The following CPNE4 variants were observed in gnomAD, a reference collection of about 807,000 sequenced individuals.
CPNE4 encodes the protein copine-4.
CPNE4 carries 25 observed loss-of-function variants against 67.9 expected under a neutral mutation model. The observed-to-expected ratio is 0.37, with a 90% CI of 0.27 to 0.51. The LOEUF (loss-of-function observed/expected upper bound fraction) is 0.51. CPNE4 is among the 20% of genes least tolerant of loss of function. The pLI is 0.93. For synonymous variants in CPNE4, 242 were observed against 244.9 expected, an observed-to-expected ratio of 0.99 and a Z score of 0.11; for missense variants, 464 against 690.8, an observed-to-expected ratio of 0.67 and a Z score of 3.68.
intron 7 of CPNE4, among the ~76,000 whole-genome samples, chr3:131,662,433 A>G (rs867134630): frequency 1.3e-5 from 2 of 152,220 alleles, no homozygotes; most frequent in South Asian, 2.1e-4. Context: ...ACACATACAC[A>G]TATACATATA....
intron 1 of CPNE4, among the ~76,000 whole-genome samples, chr3:131,934,681 G>A (rs2071172600): frequency 6.6e-6 from 1 of 152,094 alleles, no homozygotes; most frequent in Admixed American, 6.6e-5. Context: ...TTCTGTTCCT[G>A]TGTTAGTTTG....
intron 2 of CPNE4, among the ~76,000 whole-genome samples, chr3:131,778,295 C>T (rs1027119418): frequency 2.6e-5 from 4 of 152,126 alleles, no homozygotes; most frequent in African/African-American, 9.7e-5. Flanking sequence ...ACTGCCCCTC[C>T]TCCTATCGTG....
chr3:131,759,444 T>C (rs555734515), intron 2 of CPNE4, among the ~76,000 whole-genome samples: 1 of 152,264 alleles, frequency 6.6e-6, no homozygotes, highest in African/African-American at 2.4e-5. Flanking sequence ...AGTTCTTCTC[T>C]CTCCCCAAAG....
intron 1 of CPNE4, among the ~76,000 whole-genome samples, chr3:131,986,554 C>T (rs1262551514): frequency 1.3e-5 from 2 of 152,120 alleles, no homozygotes; most frequent in Non-Finnish European, 1.5e-5. Context: ...TGAGAGGTAA[C>T]GACTGTTCTC....
At chr3:132,003,216 T>G (rs2073501155) in intron 1 of CPNE4, among the ~76,000 whole-genome samples, 1 of 152,102 alleles carries the variant, frequency 6.6e-6, no homozygotes, top group African/African-American at 2.4e-5. Flanking sequence ...TGAATTGACA[T>G]GGATCACATA....
chr3:131,869,278 C>A lies in CPNE4; in HGVS notation c.180+35986G>T, dbSNP rs1268996524. Among the ~76,000 whole-genome samples the A allele has an allele frequency of 2.0e-5, 3 of 152,270 alleles. No homozygotes were observed. The East Asian group carries it at 5.8e-4, about 29-fold the overall frequency. On this transcript the variant is annotated intron_variant, in intron 2 of 15. Transcript: ENST00000429747. ...GTGCTGAGTGAGCCCCCAGACTCCA[C>A]ATTGTTGGCTTAGCTTGTAGTGTTG... is the stretch of plus-strand genomic sequence containing the variant.
chr3:131,878,070 T>G (rs1443198747), intron 2 of CPNE4, among the ~76,000 whole-genome samples: 1 of 152,194 alleles, frequency 6.6e-6, no homozygotes, highest in South Asian at 2.1e-4. Flanking sequence ...GAAAACTGTT[T>G]GAAAATCTCT....
intron 2 of CPNE4, among the ~76,000 whole-genome samples, chr3:131,780,479 A>G (rs2083404422): frequency 6.6e-6 from 1 of 152,184 alleles, no homozygotes; most frequent in Non-Finnish European, 1.5e-5. Context: ...CATACACACC[A>G]TGGAATACTA....
At chr3:131,617,660 C>A (rs569425570) in intron 7 of CPNE4, among the ~76,000 whole-genome samples, 9 of 152,296 alleles carry the variant, frequency 5.9e-5, no homozygotes, top group African/African-American at 1.9e-4. Flanking sequence ...TCCTTAAGGA[C>A]AAAGTCTTTT....
intron 1 of CPNE4, among the ~76,000 whole-genome samples, chr3:131,928,419 G>A (rs16838111): frequency 0.24 from 36,850 of 151,964 alleles, 5,014 homozygotes; most frequent in African/African-American, 0.37. Context: ...GAATTTTATC[G>A]TGAAAGCAGC....
chr3:131,651,860 T>C (rs1473933447), intron 7 of CPNE4, among the ~76,000 whole-genome samples: 2 of 152,170 alleles, frequency 1.3e-5, no homozygotes, highest in Non-Finnish European at 2.9e-5. Context: ...AAGTAATTTT[T>C]CCTCTCTGGT....
intron 2 of CPNE4, among the ~76,000 whole-genome samples, chr3:131,856,304 A>G (rs559205648): frequency 6.0e-5 from 9 of 150,880 alleles, no homozygotes; most frequent in Non-Finnish European, 1.2e-4. Context: ...CATCTCTTGA[A>G]CTCCTGGCCT....
intron 11 of CPNE4, among the ~76,000 whole-genome samples, chr3:131,561,996 A>G (rs957050514): frequency 1.3e-5 from 2 of 151,986 alleles, no homozygotes; most frequent in Non-Finnish European, 2.9e-5. Context: ...CTTTCTTTAT[A>G]TGGAAAAAAG....
At position 131,780,190 on chromosome 3, in the gene CPNE4, G is replaced by T. The variant is rs148007179; in HGVS notation, c.181-56565C>A. ...AAAAGTCAAAAAATAACAGATGCTG[G>T]CAAGGTTGTAGAAGAAAGGAACACT... On this transcript the variant is annotated intron_variant, in intron 2 of 15. Transcript: ENST00000429747. 3.6e-4 allele frequency among the ~76,000 whole-genome samples: 55 copies of T among 152,206 alleles called. No individual in the cohort carries two copies. In the East Asian group the frequency reaches 0.011, roughly 29 times the overall value.
rs539025662 is a variant in CPNE4, at chr3:132,024,038, T to C, written c.-2+10529A>G. On this transcript the variant is annotated intron_variant, in intron 1 of 15. Transcript: ENST00000429747. ...TAATTTATAATACAGTAAATATTGA[T>C]AGATTTAATACACGTGAACAAAAGC... Among the ~76,000 whole-genome samples the C allele has an allele frequency of 1.3e-4, 17 of 128,888 alleles. 1 individual carries two copies. The highest frequency in any genetic ancestry group is 5.9e-4 in the Admixed American group (8 of 13,556). 84.6% of individuals were successfully genotyped at this position (128,888 alleles called of 152,430 possible). A position where few individuals can be genotyped will look rare whatever the true frequency, so the allele number is the denominator to read the frequency against.
chr3:131,652,264 T>G (rs2079833269), intron 7 of CPNE4, among the ~76,000 whole-genome samples: 1 of 152,324 alleles, frequency 6.6e-6, no homozygotes, highest in Non-Finnish European at 1.5e-5. Context: ...GCCTTCTCTA[T>G]CAGTTTAGTT....
Position 131,623,171 on chromosome 3 carries a change from T to A in CPNE4, c.682-35589A>T, listed in dbSNP as rs552486759. On this transcript the variant is annotated intron_variant, in intron 7 of 15. Coordinates refer to ENST00000429747, the MANE Select transcript of CPNE4 (RefSeq NM_130808.3). ...CTACCTTTTGCTACACCATCAATTC[T>A]ATTTTTATATCATCTTTTTATGTCA... 3.3e-5 allele frequency among the ~76,000 whole-genome samples: 5 copies of A among 152,300 alleles called. No homozygotes were observed. The South Asian group carries it at 1.0e-3, about 32-fold the overall frequency.
intron 14 of CPNE4, 33 bp from the exon 15 acceptor site, chr3:131,542,826 G>A (rs1302439348): frequency 7.0e-7 from 1 of 1,437,068 alleles, no homozygotes; most frequent in South Asian, 1.2e-5. Flanking sequence ...GATGGGGGGG[G>A]GTGAAGAGGT....
intron 1 of CPNE4, among the ~76,000 whole-genome samples, chr3:132,005,348 CACACACACACACACACACACACACAT>C (rs2073568890): frequency 5.4e-5 from 1 of 18,488 alleles, no homozygotes; most frequent in Non-Finnish European, 1.3e-4. Context: ...TATATACACA[CACACACACACACACACACACACACAT>C]ATATGTTTAT....
Sources: allele counts gnomAD v4.1 joint callset (sites outside exome capture counted in the v4.1 genomes callset), GRCh38; gene constraint gnomAD v4.1.1; transcripts MANE v1.5; gene names NCBI Gene and HGNC (gene_info 2026-07-23, HGNC 2026-07-21).